The following NPAS1 variants were observed in gnomAD, a reference collection of about 807,000 sequenced individuals.
The protein encoded by NPAS1 is neuronal PAS domain protein 1.
NPAS1 carries 29 observed loss-of-function variants against 49.2 expected under a neutral mutation model. The observed-to-expected ratio is 0.59, with a 90% CI of 0.44 to 0.80. NPAS1 has a LOEUF of 0.80. Among genes scored for constraint, NPAS1 ranks in the 30% least tolerant of loss-of-function variants. The probability of loss-of-function intolerance (pLI) is 0.00; values close to 1 mark genes in which losing one functional copy is unlikely to be tolerated. For missense variants in NPAS1, 825 were observed against 835.5 expected (o/e 0.99, Z 0.15); for synonymous variants, 408 against 380.4 (o/e 1.07, Z -0.84).
intron 3 of NPAS1, among the ~76,000 whole-genome samples, chr19:47,022,902 G>A (rs1227118741): frequency 1.3e-5 from 2 of 152,176 alleles, no homozygotes; most frequent in African/African-American, 2.4e-5. Flanking sequence ...TTATGTGTTT[G>A]TTACAGCTTT....
intron 5 of NPAS1, among the ~76,000 whole-genome samples, chr19:47,033,975 TAA>T (rs532811476): frequency 4.0e-5 from 4 of 100,818 alleles, no homozygotes; most frequent in South Asian, 9.4e-4. Context: ...GGCTATGCCT[TAA>T]AAAAAAAAAA....
intron 6 of NPAS1, among the ~76,000 whole-genome samples, chr19:47,037,474 G>T (rs536291009): frequency 6.6e-6 from 1 of 151,902 alleles, no homozygotes; most frequent in African/African-American, 2.4e-5. Flanking sequence ...TTGCCCCCAG[G>T]TCACACAGCT....
intron 3 of NPAS1, among the ~76,000 whole-genome samples, chr19:47,029,760 G>C (rs1025216032): frequency 6.6e-6 from 1 of 152,212 alleles, no homozygotes; most frequent in African/African-American, 2.4e-5. Flanking sequence ...CCTTTTGAAT[G>C]ATGTGAAGTA....
chr19:47,045,082 C>A, intron 11 of NPAS1, 109 bp from the exon 12 acceptor site: 1 of 1,039,744 alleles, frequency 9.6e-7, no homozygotes, highest in Non-Finnish European at 1.4e-6. Context: ...AAAAACCCCA[C>A]TCCCAGCTGA....
intron 5 of NPAS1, among the ~76,000 whole-genome samples, chr19:47,033,391 C>T (rs554976985): frequency 7.2e-5 from 11 of 152,188 alleles, no homozygotes; most frequent in Non-Finnish European, 1.5e-4. Flanking sequence ...CAGACATGCA[C>T]CACCACGCCT....
chr19:47,043,601 C>CA (rs923959949), intron 11 of NPAS1, among the ~76,000 whole-genome samples: 50 of 148,208 alleles, frequency 3.4e-4, no homozygotes, highest in Middle Eastern at 7.2e-3. Context: ...AACAAACAAA[C>CA]AAAAAATTAG....
chr19:47,040,969 T>C lies in NPAS1; in HGVS notation c.1070-9T>C, dbSNP rs773049421. 1 of 1,454,498 alleles carries C rather than the reference T, an allele frequency of 6.9e-7. No homozygotes were observed. The highest frequency in any genetic ancestry group is 2.5e-5 in the East Asian group (1 of 39,596). 90.1% of individuals were successfully genotyped at this position (1,454,498 alleles called of 1,614,324 possible). A position where few individuals can be genotyped will look rare whatever the true frequency, so the allele number is the denominator to read the frequency against. On this transcript the variant is annotated splice_polypyrimidine_tract_variant and intron_variant, in intron 9 of 11. Transcript: ENST00000602212. ...ACCCCCTTCCCATCTCTCCCTGGGC[T>C]GGGCCCAGTGCTGGACAAGGGTCAG...
intron 4 of NPAS1, 48 bp downstream of exon 4, chr19:47,032,399 G>T (rs1051543086): frequency 1.3e-6 from 2 of 1,590,646 alleles, no homozygotes; most frequent in African/African-American, 1.3e-5. Context: ...ACCACCTAGC[G>T]GCCGCCTCTG....
chr19:47,023,224 G>T (rs1233859894), intron 3 of NPAS1, among the ~76,000 whole-genome samples: 1 of 152,082 alleles, frequency 6.6e-6, no homozygotes, highest in Non-Finnish European at 1.5e-5. Flanking sequence ...CAACATGTGC[G>T]CCGGCGGGGG....
chr19:47,020,494 G>T (rs1454104992), intron 1 of NPAS1, among the ~76,000 whole-genome samples: 1 of 152,092 alleles, frequency 6.6e-6, no homozygotes, highest in Admixed American at 6.5e-5. Context: ...GCAGGACACA[G>T]GATGGGGGTC....
At position 47,042,907 on chromosome 19, in the gene NPAS1, G is replaced by A; in HGVS notation, c.1312+3G>A. On this transcript the variant is annotated splice_donor_region_variant and intron_variant, in intron 11 of 11. Coordinates refer to ENST00000602212, the MANE Select transcript of NPAS1 (RefSeq NM_002517.4). Reference sequence around the variant, plus strand: ...CAGCCCGGGGCCAGAGCCCACAGGTGAGCCCCACCTCCCACCTTGGCCCCT... The same window carrying A: ...CAGCCCGGGGCCAGAGCCCACAGGTAAGCCCCACCTCCCACCTTGGCCCCT... 1.3e-6 allele frequency: 2 copies of A among 1,585,294 alleles called. No individual in the cohort carries two copies. The highest frequency in any genetic ancestry group is 2.4e-5 in the East Asian group (1 of 42,418).
At chr19:47,029,923 T>C (rs984208225) in intron 3 of NPAS1, among the ~76,000 whole-genome samples, 1 of 152,248 alleles carries the variant, frequency 6.6e-6, no homozygotes, top group African/African-American at 2.4e-5. Context: ...ACAGTGGCTG[T>C]ACAATTTTAC....
In NPAS1 at chr19:47,025,358, A is replaced by C. The variant is rs376354393; in HGVS notation, c.358+3511A>C. Among the ~76,000 whole-genome samples the C allele has an allele frequency of 7.9e-4, 105 of 133,092 alleles. 27 individuals are homozygous for C. The East Asian group carries it at 0.023, about 29-fold the overall frequency. 87.3% of individuals were successfully genotyped at this position (133,092 alleles called of 152,430 possible). On this transcript the variant is annotated intron_variant, in intron 3 of 11. Coordinates refer to ENST00000602212, the MANE Select transcript of NPAS1 (RefSeq NM_002517.4). ...CAATGGCATGATCTCGGCTCACTGC[A>C]ACCTCCTTCTCCTGGGTTCAAGCGA...
At chr19:47,028,644 A>T (rs2056888505) in intron 3 of NPAS1, among the ~76,000 whole-genome samples, 1 of 152,136 alleles carries the variant, frequency 6.6e-6, no homozygotes, top group Non-Finnish European at 1.5e-5. Flanking sequence ...CAGAGGAGGA[A>T]ACTGAGGCAC....
chr19:47,021,725 C>T lies in NPAS1; in HGVS notation c.236C>T (p.Ser79Phe), dbSNP rs1171474133. The change falls in exon 3 of 12, where the codon TCC (serine) becomes TTC (phenylalanine). Residue 79 changes from serine (S) to phenylalanine (F), a missense_variant. By Grantham distance (155) the Ser-to-Phe change is radical. Transcript: ENST00000602212. This position sits in a 1 kb window ranked among gnomAD's most constrained non-coding sequence, Gnocchi z 5.7. Reference protein sequence around the residue: ...AKLLPLPGAISSQLDKASIVR... With the variant: ...AKLLPLPGAIFSQLDKASIVR... ...CTTCTCCCGCTGCCCGGCGCCATCT[C>T]CAGCCAGCTGGACAAGGCTTCCATC... 1 of 1,551,324 alleles carries T rather than the reference C, an allele frequency of 6.4e-7. No individual in the cohort carries two copies. Among genetic ancestry groups the T allele is most frequent in the Non-Finnish European group, 8.7e-7 (1 of 1,148,722 alleles).
chr19:47,021,924 C>G lies in NPAS1; in HGVS notation c.358+77C>G, dbSNP rs528285107. On this transcript the variant is annotated intron_variant, in intron 3 of 11. Transcript: ENST00000602212. This position sits in a 1 kb window ranked among gnomAD's most constrained non-coding sequence, Gnocchi z 5.7. Reference sequence around the variant, plus strand: ...CTGCAGCCCAGATCCGGGCTGCGGGCCTGCCCTCGCCCAGATGCTTGTCTC... The same window carrying G: ...CTGCAGCCCAGATCCGGGCTGCGGGGCTGCCCTCGCCCAGATGCTTGTCTC... 3.6e-5 allele frequency: 34 copies of G among 938,438 alleles called. No homozygotes were observed. In the East Asian group the frequency reaches 9.5e-4, roughly 26 times the overall value. The allele number at this position is 938,438 out of a possible 1,614,324, so 58.1% of individuals were successfully genotyped here.
In NPAS1 at chr19:47,040,439, C is replaced by T. The variant is rs771634458; in HGVS notation, c.963-5C>T. On this transcript the variant is annotated splice_polypyrimidine_tract_variant and splice_region_variant and intron_variant, in intron 8 of 11. Transcript: ENST00000602212. The stretch of plus-strand genomic sequence containing the variant: ...ACTCCTCCCCTCTTCTCTGTCACCC[C>T]CCAGAGTCAGCGACCACATGGACCT... 5.7e-6 allele frequency: 9 copies of T among 1,579,740 alleles called. No homozygotes were observed. The highest frequency in any genetic ancestry group is 1.8e-5 in the Admixed American group (1 of 54,930).
chr19:47,044,822 G>A (rs2057057193), intron 11 of NPAS1, among the ~76,000 whole-genome samples: 3 of 152,182 alleles, frequency 2.0e-5, no homozygotes, highest in Admixed American at 2.0e-4. Context: ...CTGAGGTCAG[G>A]AGTTTGAGAC....
At chr19:47,040,313 G>A (rs764090170) in intron 8 of NPAS1, 131 bp from the exon 9 acceptor site, 70 of 617,640 alleles carry the variant, frequency 1.1e-4, no homozygotes, top group Admixed American at 1.7e-4. Flanking sequence ...GTGAGCCACC[G>A]CGCCTGCCAA....
Sources: allele counts gnomAD v4.1 joint callset (sites outside exome capture counted in the v4.1 genomes callset), GRCh38; gene constraint gnomAD v4.1.1; non-coding constraint Gnocchi (gnomAD v3.1); transcripts MANE v1.5; gene names NCBI Gene and HGNC (gene_info 2026-07-23, HGNC 2026-07-21).